The following PTPRH variants were observed in gnomAD, a reference collection of about 807,000 sequenced individuals.
PTPRH encodes protein tyrosine phosphatase receptor type H.
In PTPRH, 113 loss-of-function variants were observed where a neutral mutation model predicts 130.2. That is an observed-to-expected ratio of 0.87 (90% CI 0.75 to 1.01). The LOEUF is 1.01. Ranked by LOEUF, PTPRH falls within the 50% of genes least tolerant of loss-of-function variation. PTPRH has a pLI of 0.00. For missense variants in PTPRH, 1,430 were observed against 1,425.0 expected, an observed-to-expected ratio of 1.00 and a Z score of -0.06; for synonymous variants, 556 against 577.9, an observed-to-expected ratio of 0.96 and a Z score of 0.54.
At position 55,206,869 on chromosome 19, in the gene PTPRH, A is replaced by G. The variant is rs1325910033; in HGVS notation, c.172T>C (p.Ser58Pro). ...TGAACCCAGTAGTTGGAGTTCTGTG[A>G]GTCTAGGCCATCGGGGACCTCCCAG... Reference protein sequence around the residue: ...LSWEVPDGLDSQNSNYWVQCT... With the variant: ...LSWEVPDGLDPQNSNYWVQCT... The change falls in exon 3 of 20, where the codon TCA becomes CCA. Residue 58 changes from serine to proline, a missense_variant. Physicochemically the swap from Ser to Pro is moderately conservative, Grantham distance 74. Transcript: ENST00000376350. 5 of 1,613,926 alleles carry G rather than the reference A, an allele frequency of 3.1e-6. 1 individual carries two copies. In the South Asian group the frequency reaches 3.3e-5, roughly 11 times the overall value.
intron 9 of PTPRH, 148 bp downstream of exon 9, chr19:55,196,969 C>G (rs2086702588): frequency 5.9e-6 from 7 of 1,185,754 alleles, no homozygotes; most frequent in Non-Finnish European, 7.1e-6. Flanking sequence ...AACTACAACT[C>G]CCATGAGGCC....
Position 55,185,927 on chromosome 19 carries a change from G to A in PTPRH, c.2836C>T (p.Arg946Trp), listed in dbSNP as rs149834920. Reference protein sequence around the residue: ...DSQPCTHGHLRVTLVGEEVME... With the variant: ...DSQPCTHGHLWVTLVGEEVME... ...ACTTCCTCACCTACCAGGGTTACCC[G>A]CAGGTGCCCATGGGTGCAGGGCTGC... Residue 946 changes from arginine (R) to tryptophan (W), a missense_variant, in exon 17 of 20, where the codon CGG (arginine) becomes TGG (tryptophan). Coordinates refer to ENST00000376350, the MANE Select transcript of PTPRH (RefSeq NM_002842.5). The A allele has an allele frequency of 2.4e-5, 39 of 1,614,004 alleles. No individual in the cohort carries two copies. Among genetic ancestry groups the A allele is most frequent in the South Asian group, 8.8e-5 (8 of 91,090 alleles).
At chr19:55,187,421 C>A in intron 14 of PTPRH, 92 bp downstream of exon 14, 1 of 846,160 alleles carries the variant, frequency 1.2e-6, no homozygotes, top group Non-Finnish European at 1.8e-6. Flanking sequence ...GGGGGCAGGA[C>A]TTGTTTCTCA....
intron 12 of PTPRH, among the ~76,000 whole-genome samples, chr19:55,188,960 C>T (rs1391284641): frequency 2.6e-5 from 4 of 152,128 alleles, no homozygotes; most frequent in Non-Finnish European, 5.9e-5. Context: ...AGGGTTTGGC[C>T]CATTCCTGTA....
chr19:55,195,035 T>C (rs535772408), intron 10 of PTPRH, among the ~76,000 whole-genome samples: 3 of 152,022 alleles, frequency 2.0e-5, no homozygotes, highest in African/African-American at 7.2e-5. Flanking sequence ...TAAAAAAATT[T>C]AAAAATTAGC....
intron 1 of PTPRH, among the ~76,000 whole-genome samples, chr19:55,207,589 G>A (rs1367099635): frequency 6.8e-6 from 1 of 147,542 alleles, no homozygotes; most frequent in Non-Finnish European, 1.5e-5. Flanking sequence ...GGGCCTGGGG[G>A]CCTGGGTCTG....
At position 55,187,372 on chromosome 19, in the gene PTPRH, AAAAAAAAAAGGAAG is replaced by A; in HGVS notation, c.2566+127_2566+140del. 1.4e-5 allele frequency: 5 copies of A among 354,934 alleles called. No individual in the cohort carries two copies. In the East Asian group the frequency reaches 2.2e-4, roughly 16 times the overall value. The allele number at this position is 354,934 out of a possible 1,614,324, so 22.0% of individuals were successfully genotyped here. ...AAAAAAAAAAAAAAGAAAAAAAGAA[AAAAAAAAAAGGAAG>A]AAAAAAAAAAGGAGACCCACGGTAG... is the stretch of plus-strand genomic sequence containing the variant. On this transcript the variant is annotated intron_variant, in intron 14 of 19. Coordinates refer to ENST00000376350, the MANE Select transcript of PTPRH (RefSeq NM_002842.5).
chr19:55,205,446 T>C lies in PTPRH; in HGVS notation c.499A>G (p.Ser167Gly), dbSNP rs1353577551. 1.5e-5 allele frequency: 24 copies of C among 1,614,064 alleles called. No individual in the cohort carries two copies. The highest frequency in any genetic ancestry group is 1.7e-5 in the Non-Finnish European group (20 of 1,180,036). Residue 167 changes from serine to glycine, a missense_variant, in exon 4 of 20, where the codon AGC (serine) becomes GGC (glycine). Transcript: ENST00000376350. ...TGDGGRAGTR[S>G]TAHTNITVDG... The stretch of plus-strand genomic sequence containing the variant: ...ACGGTGATGTTAGTGTGTGCTGTGC[T>C]TCGAGTCCCTGCTCTGCCACCATCT...
intron 12 of PTPRH, among the ~76,000 whole-genome samples, chr19:55,190,606 T>C (rs1235498564): frequency 7.4e-6 from 1 of 135,584 alleles, no homozygotes; most frequent in Admixed American, 8.3e-5. Flanking sequence ...ATATATTATA[T>C]ATTATATATA....
At chr19:55,196,444 T>C (rs2086681578) in intron 10 of PTPRH, 78 bp downstream of exon 10, 2 of 1,471,474 alleles carry the variant, frequency 1.4e-6, no homozygotes, top group Admixed American at 2.1e-5. Flanking sequence ...AGAGTCCCAC[T>C]GATTTCCTCA....
Position 55,185,661 on chromosome 19 carries a change from A to C in PTPRH, c.2903T>G (p.Val968Gly). 1 of 1,613,616 alleles carries C rather than the reference A, an allele frequency of 6.2e-7. No individual in the cohort carries two copies. Among genetic ancestry groups the C allele is most frequent in the Non-Finnish European group, 8.5e-7 (1 of 1,179,732 alleles). ...WTVRELLLLQVEEQKTLSVRQ... is the reference protein window; with the variant it reads ...WTVRELLLLQGEEQKTLSVRQ... Reference sequence around the variant, plus strand: ...CACAGACAGTGTCTTCTGCTCCTCCACCTGGAAGGAGGGAGCACTCACAGG... The same window carrying C: ...CACAGACAGTGTCTTCTGCTCCTCCCCCTGGAAGGAGGGAGCACTCACAGG... The change falls in exon 18 of 20, where the codon GTG becomes GGG. Residue 968 changes from valine (V) to glycine (G), a missense_variant and splice_region_variant. Val to Gly is a moderately radical substitution (Grantham distance 109). Coordinates refer to ENST00000376350, the MANE Select transcript of PTPRH (RefSeq NM_002842.5).
chr19:55,185,738 C>T, intron 17 of PTPRH, 76 bp from the exon 18 acceptor site: 1 of 1,594,928 alleles, frequency 6.3e-7, no homozygotes, highest in Non-Finnish European at 8.6e-7. Flanking sequence ...GGAGCGGGTT[C>T]CCTGGGGCAC....
chr19:55,187,085 C>A (rs1217499735), intron 14 of PTPRH, among the ~76,000 whole-genome samples: 1 of 150,114 alleles, frequency 6.7e-6, no homozygotes, highest in African/African-American at 2.5e-5. Flanking sequence ...GTGGCTCACG[C>A]CCGTAATCCC....
intron 5 of PTPRH, 82 bp from the exon 6 acceptor site, chr19:55,202,404 G>A (rs1600066720): frequency 1.3e-6 from 2 of 1,559,572 alleles, no homozygotes; most frequent in East Asian, 2.3e-5. Flanking sequence ...ATTGCATCCA[G>A]CAGGTGGAGG....
rs752343655 is a variant in PTPRH, at chr19:55,198,914, T to G, written c.1421-2A>C. On this transcript the variant is annotated splice_acceptor_variant, in intron 7 of 19. Coordinates refer to ENST00000376350, the MANE Select transcript of PTPRH (RefSeq NM_002842.5). LOFTEE classifies it high-confidence loss of function. ...TGAGGCTTGTCACTGCGTTGGGGACTGGGAGAGGGAGCAGAGTCAGGATTT... is the reference window on the plus strand; with the variant it reads ...TGAGGCTTGTCACTGCGTTGGGGACGGGGAGAGGGAGCAGAGTCAGGATTT... The G allele has an allele frequency of 1.1e-4, 163 of 1,506,324 alleles. No individual in the cohort carries two copies. The highest frequency in any genetic ancestry group is 1.4e-4 in the Non-Finnish European group (160 of 1,124,666). The allele number at this position is 1,506,324 out of a possible 1,614,324, so 93.3% of individuals were successfully genotyped here. A position where few individuals can be genotyped will look rare whatever the true frequency, so the allele number is the denominator to read the frequency against.
chr19:55,188,054 T>C (rs1323406420), intron 13 of PTPRH, 24 bp downstream of exon 13: 1 of 1,593,016 alleles, frequency 6.3e-7, no homozygotes, highest in Non-Finnish European at 8.6e-7. Context: ...GAGACTGAGC[T>C]CAGCCCCTCT....
intron 7 of PTPRH, among the ~76,000 whole-genome samples, chr19:55,199,730 G>A (rs1249948769): frequency 1.5e-5 from 2 of 137,168 alleles, no homozygotes; most frequent in African/African-American, 2.8e-5. Context: ...AAGGAAGGAA[G>A]GAGGGAAGGA....
At chr19:55,203,094 C>T (rs974400226) in intron 5 of PTPRH, among the ~76,000 whole-genome samples, 24 of 151,306 alleles carry the variant, frequency 1.6e-4, no homozygotes, top group African/African-American at 4.9e-4. Flanking sequence ...TTTGGGAGGC[C>T]AAGGCGGGTG....
Position 55,198,745 on chromosome 19 carries a change from T to C in PTPRH, c.1588A>G (p.Ile530Val). 6.2e-7 allele frequency: 1 copy of C among 1,614,136 alleles called. No individual in the cohort carries two copies. The highest frequency in any genetic ancestry group is 8.5e-7 in the Non-Finnish European group (1 of 1,180,012). Residue 530 changes from isoleucine (I) to valine (V), a missense_variant, in exon 8 of 20, where the codon ATC becomes GTC. By Grantham distance (29) the Ile-to-Val change is conservative. Coordinates refer to ENST00000376350, the MANE Select transcript of PTPRH (RefSeq NM_002842.5). Reference protein sequence around the residue: ...PRTQSTSGTDITLKELEAGSL... With the variant: ...PRTQSTSGTDVTLKELEAGSL... ...CCAGCTTCCAGTTCCTTTAGGGTGA[T>C]GTCAGTACCTGAGGTGCTTTGGGTC...
Sources: gnomAD v4.1 joint callset for allele counts (sites outside exome capture counted in the v4.1 genomes callset) on GRCh38, gnomAD v4.1.1 for gene constraint, MANE v1.5 for transcripts, NCBI Gene and HGNC (gene_info 2026-07-23, HGNC 2026-07-21) for gene names.